Variants in SRRM4 observed in about 807,000 individuals in gnomAD.
SRRM4 encodes the protein serine/arginine repetitive matrix 4, also known as serine/arginine repetitive matrix protein 4.
Under a neutral mutation model 68.9 loss-of-function variants are expected in SRRM4, and 33 were observed. That is an observed-to-expected ratio of 0.48 (90% CI 0.36 to 0.64). The LOEUF (loss-of-function observed/expected upper bound fraction) is 0.64. Ranked by LOEUF, SRRM4 falls within the 30% of genes least tolerant of loss-of-function variation. The pLI, the probability that SRRM4 is intolerant of heterozygous loss-of-function variation, is 0.00. For synonymous variants in SRRM4, 318 were observed against 318.8 expected, an observed-to-expected ratio of 1.00 and a Z score of 0.03; for missense variants, 817 against 827.1, an observed-to-expected ratio of 0.99 and a Z score of 0.15.
intron 1 of SRRM4, among the ~76,000 whole-genome samples, chr12:119,042,047 C>G (rs1224233547): frequency 6.6e-6 from 1 of 152,156 alleles, no homozygotes; most frequent in African/African-American, 2.4e-5. Flanking sequence ...CCTTGGAAAT[C>G]ACTCAGTCCA....
intron 10 of SRRM4, among the ~76,000 whole-genome samples, chr12:119,152,947 A>T (rs1954448844): frequency 6.6e-6 from 1 of 152,218 alleles, no homozygotes; most frequent in Admixed American, 6.5e-5. Flanking sequence ...TTAGAGGCAA[A>T]CAGTCCTGGG....
intron 1 of SRRM4, among the ~76,000 whole-genome samples, chr12:119,079,591 T>C (rs1044433312): frequency 1.3e-5 from 2 of 152,202 alleles, no homozygotes; most frequent in Admixed American, 1.3e-4. Flanking sequence ...CATTTACTCA[T>C]GTTCACCTGC....
At chr12:119,057,658 G>A (rs1425568758) in intron 1 of SRRM4, among the ~76,000 whole-genome samples, 1 of 152,090 alleles carries the variant, frequency 6.6e-6, no homozygotes, top group African/African-American at 2.4e-5. Context: ...GTGAACATAC[G>A]TGTGCATGCA....
intron 2 of SRRM4, among the ~76,000 whole-genome samples, chr12:119,104,729 T>C (rs1008915488): frequency 6.6e-6 from 1 of 152,082 alleles, no homozygotes; most frequent in South Asian, 2.1e-4. Context: ...GGACCAGCAT[T>C]CCTTACTGCT....
At chr12:119,030,756 A>C (rs1953583932) in intron 1 of SRRM4, among the ~76,000 whole-genome samples, 1 of 152,156 alleles carries the variant, frequency 6.6e-6, no homozygotes, top group African/African-American at 2.4e-5. Flanking sequence ...TACTATTTTC[A>C]TGTCCATATC....
chr12:119,071,371 G>A lies in SRRM4; in HGVS notation c.132-30865G>A, dbSNP rs961366939. Among the ~76,000 whole-genome samples, 4 of 152,298 alleles carry A rather than the reference G, an allele frequency of 2.6e-5. No individual in the cohort carries two copies. The South Asian group carries it at 8.3e-4, about 32-fold the overall frequency. On this transcript the variant is annotated intron_variant, in intron 1 of 12. Transcript: ENST00000267260. Reference sequence around the variant, plus strand: ...TTCCTAGCTGTGCGATCTTGGGCAAGTTGCTTACCCTCTCTGAGCCCCAAT... The same window carrying A: ...TTCCTAGCTGTGCGATCTTGGGCAAATTGCTTACCCTCTCTGAGCCCCAAT...
intron 7 of SRRM4, among the ~76,000 whole-genome samples, chr12:119,130,000 GATGGATGGATGAATGC>G (rs1954285103): frequency 6.7e-6 from 1 of 150,346 alleles, no homozygotes; most frequent in South Asian, 2.1e-4. Flanking sequence ...TGGATGGATG[GATGGATGGATGAATGC>G]ATAGATGGTT....
intron 8 of SRRM4, among the ~76,000 whole-genome samples, chr12:119,137,373 G>A (rs570584164): frequency 7.2e-5 from 11 of 152,268 alleles, no homozygotes; most frequent in African/African-American, 2.6e-4. Flanking sequence ...GTGTAAGTGA[G>A]AGGTTGCCTT....
intron 10 of SRRM4, among the ~76,000 whole-genome samples, chr12:119,152,918 G>A (rs895831923): frequency 6.6e-6 from 1 of 152,208 alleles, no homozygotes; most frequent in Admixed American, 6.5e-5. Flanking sequence ...AAACCAAACA[G>A]ACGTGAATTA....
chr12:119,123,423 G>A (rs567979188), intron 6 of SRRM4, among the ~76,000 whole-genome samples: 29 of 152,194 alleles, frequency 1.9e-4, no homozygotes, highest in South Asian at 8.3e-4. Flanking sequence ...CAGCAATCTC[G>A]GTGTCACTTG....
intron 1 of SRRM4, among the ~76,000 whole-genome samples, chr12:119,019,930 T>G: frequency 7.1e-6 from 1 of 140,492 alleles, no homozygotes; most frequent in Non-Finnish European, 1.5e-5. Flanking sequence ...GCTGGAAAGC[T>G]CTGGACAGTT....
chr12:119,136,068 A>G (rs1023530592), intron 8 of SRRM4, among the ~76,000 whole-genome samples: 1 of 152,208 alleles, frequency 6.6e-6, no homozygotes, highest in Non-Finnish European at 1.5e-5. Context: ...CCCTCAAAGT[A>G]TCCTAGTTGC....
At chr12:119,058,311 A>G (rs1297089751) in intron 1 of SRRM4, among the ~76,000 whole-genome samples, 1 of 152,362 alleles carries the variant, frequency 6.6e-6, no homozygotes, top group African/African-American at 2.4e-5. Context: ...GTTAACAAAT[A>G]GTAAAGATTA....
At chr12:119,094,475 C>T (rs1195884253) in intron 1 of SRRM4, among the ~76,000 whole-genome samples, 2 of 152,120 alleles carry the variant, frequency 1.3e-5, no homozygotes, top group Non-Finnish European at 2.9e-5. Context: ...CTGAAGAATC[C>T]AGCCCCTTTC....
intron 1 of SRRM4, among the ~76,000 whole-genome samples, chr12:119,049,623 G>C (rs746079569): frequency 2.0e-5 from 3 of 152,178 alleles, no homozygotes; most frequent in South Asian, 2.1e-4. Flanking sequence ...TACGGAGTCT[G>C]ATCAGTAGTG....
At chr12:119,065,040 T>G (rs1036475439) in intron 1 of SRRM4, among the ~76,000 whole-genome samples, 2 of 152,198 alleles carry the variant, frequency 1.3e-5, no homozygotes, top group East Asian at 1.9e-4. Flanking sequence ...TTATATATAT[T>G]ATGTATTATC....
At chr12:119,107,664 A>G (rs998553326) in intron 2 of SRRM4, among the ~76,000 whole-genome samples, 3 of 152,056 alleles carry the variant, frequency 2.0e-5, no homozygotes, top group African/African-American at 7.2e-5. Context: ...CGGTGGTGAT[A>G]TCCCCTTTAT....
Position 119,073,756 on chromosome 12 carries a change from G to C in SRRM4, c.132-28480G>C, listed in dbSNP as rs140764776. ...CTACCTCAGCCTCCAGAGTAGCTGA[G>C]ACCACAGTCATACCCTCTGTGCCCT... On this transcript the variant is annotated intron_variant, in intron 1 of 12. Coordinates refer to ENST00000267260, the MANE Select transcript of SRRM4 (RefSeq NM_194286.4). Among the ~76,000 whole-genome samples, 351 of 152,230 alleles carry C rather than the reference G, an allele frequency of 2.3e-3. 2 individuals carry two copies. The highest frequency in any genetic ancestry group is 8.0e-3 in the African/African-American group (333 of 41,538).
chr12:118,982,669 G>GTTTTTTTTTTTTTTTTTTTTTTTTTT (rs10533651), intron 1 of SRRM4, among the ~76,000 whole-genome samples: 1 of 115,716 alleles, frequency 8.6e-6, no homozygotes, highest in Non-Finnish European at 1.7e-5. Flanking sequence ...GTTTTATTTT[G>GTTTTTTTTTTTTTTTTTTTTTTTTTT]TTTTTTTTTG....
Sources: allele counts gnomAD v4.1 joint callset (sites outside exome capture counted in the v4.1 genomes callset), GRCh38; gene constraint gnomAD v4.1.1; transcripts MANE v1.5; gene names NCBI Gene and HGNC (gene_info 2026-07-23, HGNC 2026-07-21).